Variants in CSMD1 observed in about 807,000 individuals in gnomAD.
CSMD1 encodes CUB and Sushi multiple domains 1.
Under a neutral mutation model 417.5 loss-of-function variants are expected in CSMD1, and 213 were observed. The observed-to-expected ratio is 0.51, with a 90% CI of 0.46 to 0.57. CSMD1 has a LOEUF of 0.57. Among genes scored for constraint, CSMD1 ranks in the 20% least tolerant of loss-of-function variants. CSMD1 has a pLI of 0.00. For synonymous variants in CSMD1, 2,862 were observed against 1,736.8 expected, an observed-to-expected ratio of 1.65 and a Z score of -16.11; for missense variants, 6,923 against 4,529.7, an observed-to-expected ratio of 1.53 and a Z score of -15.17.
intron 5 of CSMD1, among the ~76,000 whole-genome samples, chr8:3,919,877 T>A: frequency 6.6e-6 from 1 of 152,298 alleles, no homozygotes; most frequent in Non-Finnish European, 1.5e-5. Context: ...AAGTATTTCA[T>A]TCTTTTTAAT....
At chr8:3,857,954 T>A (rs1195492626) in intron 5 of CSMD1, among the ~76,000 whole-genome samples, 1 of 152,242 alleles carries the variant, frequency 6.6e-6, no homozygotes, top group Non-Finnish European at 1.5e-5. Context: ...CTACACTGCA[T>A]GGTGACTTCT....
At chr8:4,239,628 C>A (rs1407518963) in intron 3 of CSMD1, among the ~76,000 whole-genome samples, 1 of 152,152 alleles carries the variant, frequency 6.6e-6, no homozygotes, top group African/African-American at 2.4e-5. Flanking sequence ...CCTAGAGAAC[C>A]CAAACTGCTG....
At chr8:3,025,885 AAATT>A (rs1418914617) in intron 51 of CSMD1, among the ~76,000 whole-genome samples, 6 of 152,242 alleles carry the variant, frequency 3.9e-5, no homozygotes, top group African/African-American at 1.2e-4. Context: ...TAGTGTAAAT[AAATT>A]AACAAATCAA....
chr8:4,287,767 C>G (rs975299519), intron 3 of CSMD1, among the ~76,000 whole-genome samples: 1 of 151,644 alleles, frequency 6.6e-6, no homozygotes, highest in Non-Finnish European at 1.5e-5. Context: ...TGGACCCGGT[C>G]GGTTGAGCGA....
At chr8:4,877,556 G>C (rs1304762423) in intron 1 of CSMD1, among the ~76,000 whole-genome samples, 5 of 151,954 alleles carry the variant, frequency 3.3e-5, no homozygotes, top group African/African-American at 9.7e-5. Flanking sequence ...ATTGCACTAA[G>C]TTCAGCCAGT....
chr8:3,273,157 G>C (rs1329791811), intron 26 of CSMD1, among the ~76,000 whole-genome samples: 8 of 151,094 alleles, frequency 5.3e-5, no homozygotes, highest in Admixed American at 1.3e-4. Context: ...GTTGAATTTT[G>C]TCAAAGGCCT....
chr8:4,250,540 C>G (rs1017148060), intron 3 of CSMD1, among the ~76,000 whole-genome samples: 1 of 152,068 alleles, frequency 6.6e-6, no homozygotes, highest in Non-Finnish European at 1.5e-5. Context: ...GAAGTCAACC[C>G]TCAAAAGTTT....
At chr8:4,949,862 G>C (rs1056596682) in intron 1 of CSMD1, among the ~76,000 whole-genome samples, 1 of 152,116 alleles carries the variant, frequency 6.6e-6, no homozygotes, top group Non-Finnish European at 1.5e-5. Context: ...TATAAGGTTA[G>C]TTCAAAAGTA....
chr8:3,113,289 T>C (rs954497971), intron 42 of CSMD1: 1 of 152,046 alleles, frequency 6.6e-6, no homozygotes, highest in African/African-American at 2.4e-5. Context: ...CTGAAAGGGA[T>C]AGAGAGGCTA....
chr8:4,056,523 T>A (rs1798700061), intron 3 of CSMD1, among the ~76,000 whole-genome samples: 1 of 151,868 alleles, frequency 6.6e-6, no homozygotes, highest in Non-Finnish European at 1.5e-5. Flanking sequence ...GGAAAGCATT[T>A]AATTTCAATT....
At chr8:3,480,166 C>A (rs564113971) in intron 11 of CSMD1, among the ~76,000 whole-genome samples, 2 of 152,040 alleles carry the variant, frequency 1.3e-5, no homozygotes, top group African/African-American at 4.8e-5. Context: ...CAAGACCAGC[C>A]TGGGCAACAC....
intron 3 of CSMD1, among the ~76,000 whole-genome samples, chr8:4,107,428 T>C (rs777584152): frequency 1.3e-5 from 2 of 152,172 alleles, no homozygotes; most frequent in Non-Finnish European, 2.9e-5. Context: ...TTGATACACA[T>C]CACATTGGTA....
At chr8:3,752,609 G>T (rs1797401198) in intron 6 of CSMD1, among the ~76,000 whole-genome samples, 1 of 136,522 alleles carries the variant, frequency 7.3e-6, no homozygotes, top group Non-Finnish European at 1.5e-5. Context: ...AGGCAAGACT[G>T]CACCACTGCA....
intron 5 of CSMD1, among the ~76,000 whole-genome samples, chr8:3,826,242 T>C (rs956851831): frequency 6.6e-6 from 1 of 152,114 alleles, no homozygotes; most frequent in South Asian, 2.1e-4. Context: ...AAGTGATGCA[T>C]CTGGTCAGCC....
chr8:3,552,581 C>A (rs1798964841), intron 10 of CSMD1, among the ~76,000 whole-genome samples: 1 of 152,040 alleles, frequency 6.6e-6, no homozygotes, highest in African/African-American at 2.4e-5. Flanking sequence ...TGTGGTTATG[C>A]AAATATAAGG....
intron 1 of CSMD1, among the ~76,000 whole-genome samples, chr8:4,673,025 G>A (rs576492504): frequency 7.3e-5 from 11 of 150,580 alleles, no homozygotes; most frequent in South Asian, 2.1e-4. Flanking sequence ...TGGCACACAC[G>A]CACACGGTGA....
At chr8:3,862,813 G>A (rs1410110019) in intron 5 of CSMD1, among the ~76,000 whole-genome samples, 1 of 152,202 alleles carries the variant, frequency 6.6e-6, no homozygotes, top group Non-Finnish European at 1.5e-5. Flanking sequence ...AGCATTGCCT[G>A]CCCTCAAATG....
At chr8:3,673,214 A>C (rs28665920) in intron 7 of CSMD1, among the ~76,000 whole-genome samples, 23,388 of 152,246 alleles carry the variant, frequency 0.15, 2,016 homozygotes, top group South Asian at 0.22. Flanking sequence ...GCCCCTGTGC[A>C]TGAACCACAA....
chr8:3,464,081 G>A (rs947128346), intron 12 of CSMD1, among the ~76,000 whole-genome samples: 1 of 152,172 alleles, frequency 6.6e-6, no homozygotes, highest in African/African-American at 2.4e-5. Context: ...TGACTATACA[G>A]CAGCACATCA....
Sources: gnomAD v4.1 joint callset for allele counts (sites outside exome capture counted in the v4.1 genomes callset) on GRCh38, gnomAD v4.1.1 for gene constraint, MANE v1.5 for transcripts, NCBI Gene and HGNC (gene_info 2026-07-23, HGNC 2026-07-21) for gene names.